RTN1: variants seen among roughly 807,000 people sequenced by gnomAD.
RTN1 encodes reticulon 1.
RTN1 carries 25 observed loss-of-function variants against 65.5 expected under a neutral mutation model. The observed-to-expected ratio is 0.38, with a 90% CI of 0.28 to 0.53. The LOEUF is 0.53. Ranked by LOEUF, RTN1 falls within the 20% of genes least tolerant of loss-of-function variation. RTN1 has a pLI of 0.79. For missense variants in RTN1, 983 were observed against 1,025.4 expected, an observed-to-expected ratio of 0.96 and a Z score of 0.57; for synonymous variants, 471 against 447.6, an observed-to-expected ratio of 1.05 and a Z score of -0.66.
In RTN1 at chr14:59,834,660, C is replaced by T. The variant is rs1957303; in HGVS notation, c.241+35730G>A. On this transcript the variant is annotated intron_variant, in intron 1 of 8. Coordinates refer to ENST00000267484, the MANE Select transcript of RTN1 (RefSeq NM_021136.3). ...AAAAATCTAATAGTGAAATGGGCAA[C>T]AGTTTTGCACAGATATCTCATGAAA... Among the ~76,000 whole-genome samples the T allele has an allele frequency of 3.1e-3, 475 of 152,130 alleles. 6 individuals are homozygous for T. Among genetic ancestry groups the T allele is most frequent in the African/African-American group, 0.011 (447 of 41,510 alleles).
At chr14:59,850,697 A>G (rs899484095) in intron 1 of RTN1, among the ~76,000 whole-genome samples, 3 of 152,234 alleles carry the variant, frequency 2.0e-5, no homozygotes, top group Non-Finnish European at 4.4e-5. Context: ...GAAGGAGGTT[A>G]GTGGTTATTA....
At chr14:59,640,776 G>C (rs1882760066) in intron 3 of RTN1, among the ~76,000 whole-genome samples, 1 of 151,692 alleles carries the variant, frequency 6.6e-6, no homozygotes, top group Admixed American at 6.6e-5. Flanking sequence ...TCATCTTGAA[G>C]ATTTTTCAAT....
At chr14:59,729,406 C>A (rs1403386886) in intron 2 of RTN1, among the ~76,000 whole-genome samples, 2 of 152,130 alleles carry the variant, frequency 1.3e-5, no homozygotes, top group Non-Finnish European at 2.9e-5. Flanking sequence ...TAACTTAAAA[C>A]AACAACTACT....
chr14:59,835,323 G>A (rs1008765999), intron 1 of RTN1, among the ~76,000 whole-genome samples: 2 of 152,134 alleles, frequency 1.3e-5, no homozygotes, highest in Admixed American at 6.6e-5. Flanking sequence ...GACAGAAAAG[G>A]GGCGGGGAGA....
intron 1 of RTN1, among the ~76,000 whole-genome samples, chr14:59,749,612 TTTATATA>T: frequency 1.4e-5 from 1 of 73,134 alleles, no homozygotes; most frequent in Non-Finnish European, 2.1e-5. Context: ...TCTATATATA[TTTATATA>T]GATATCTATA....
chr14:59,630,748 C>T (rs1413003224), intron 3 of RTN1: 3 of 1,088,084 alleles, frequency 2.8e-6, no homozygotes, highest in Non-Finnish European at 3.3e-6. Context: ...ATGCGGGCGC[C>T]GCTCCACGCG....
chr14:59,775,136 G>A lies in RTN1; in HGVS notation c.242-28655C>T, dbSNP rs530819364. 1.1e-4 allele frequency among the ~76,000 whole-genome samples: 16 copies of A among 152,238 alleles called. No individual in the cohort carries two copies. The East Asian group carries it at 2.7e-3, about 26-fold the overall frequency. On this transcript the variant is annotated intron_variant, in intron 1 of 8. Transcript: ENST00000267484. The stretch of plus-strand genomic sequence containing the variant: ...GTAAAGGCGATAAGTTCCATCTCTA[G>A]ACTGAGTTAAGAGGGGAGTATCTCA...
intron 1 of RTN1, among the ~76,000 whole-genome samples, chr14:59,828,281 A>G (rs1887067802): frequency 6.6e-6 from 1 of 152,218 alleles, no homozygotes; most frequent in Non-Finnish European, 1.5e-5. Flanking sequence ...CATTCTCTCA[A>G]TATTGAAGTA....
At chr14:59,690,310 G>C (rs1240258163) in intron 3 of RTN1, among the ~76,000 whole-genome samples, 1 of 151,492 alleles carries the variant, frequency 6.6e-6, no homozygotes, top group Non-Finnish European at 1.5e-5. Context: ...GAGGTGGGGG[G>C]GGGTCATTAT....
chr14:59,780,157 G>A (rs1252787180), intron 1 of RTN1, among the ~76,000 whole-genome samples: 1 of 152,164 alleles, frequency 6.6e-6, no homozygotes, highest in African/African-American at 2.4e-5. Context: ...AGGCTAGTGG[G>A]AAGCTGAACT....
At chr14:59,648,039 C>A (rs1882938220) in intron 3 of RTN1, among the ~76,000 whole-genome samples, 1 of 151,950 alleles carries the variant, frequency 6.6e-6, no homozygotes, top group Admixed American at 6.6e-5. Flanking sequence ...TAGTCCACTA[C>A]CTAGACTAAT....
intron 2 of RTN1, among the ~76,000 whole-genome samples, chr14:59,741,282 A>G (rs2139501217): frequency 6.6e-6 from 1 of 152,272 alleles, no homozygotes; most frequent in Non-Finnish European, 1.5e-5. Flanking sequence ...AGATAGCTAC[A>G]TGACTTGCTC....
intron 1 of RTN1, among the ~76,000 whole-genome samples, chr14:59,758,434 C>A (rs1479599635): frequency 3.3e-5 from 5 of 152,176 alleles, no homozygotes; most frequent in Admixed American, 3.3e-4. Flanking sequence ...ATTTCTGAGA[C>A]TGCACAAAAA....
At chr14:59,693,231 T>A (rs190262916) in intron 3 of RTN1, among the ~76,000 whole-genome samples, 3 of 152,296 alleles carry the variant, frequency 2.0e-5, no homozygotes, top group Admixed American at 6.5e-5. Flanking sequence ...GAGAAGACAG[T>A]ATTGGTTAAA....
chr14:59,691,119 A>C (rs971246603), intron 3 of RTN1, among the ~76,000 whole-genome samples: 2 of 152,128 alleles, frequency 1.3e-5, no homozygotes, highest in African/African-American at 4.8e-5. Flanking sequence ...AGACCCAAAA[A>C]TCCATGCAAA....
At chr14:59,832,415 A>C (rs1309018263) in intron 1 of RTN1, among the ~76,000 whole-genome samples, 2 of 152,188 alleles carry the variant, frequency 1.3e-5, no homozygotes. Context: ...ACCCATTCAC[A>C]GGGTGCAGGG....
Position 59,745,872 on chromosome 14 carries a change from G to A in RTN1, c.851C>T (p.Thr284Ile). Residue 284 changes from threonine (T) to isoleucine (I), a missense_variant, in exon 2 of 9, where the codon ACA (threonine) becomes ATA (isoleucine). By Grantham distance (89) the Thr-to-Ile change is moderately conservative. Around this residue, in one of 2 missense-constraint regions of RTN1, gnomAD observed 818 missense variants for 801.8 expected, o/e 1.02. Transcript: ENST00000267484. The stretch of plus-strand genomic sequence containing the variant: ...AACAGAAGGTTCTATTTCCGTCAGT[G>A]TGATTTTGACAGGGGTGGTGATCTG... The part of the protein sequence containing the change: ...APQITTPVKI[T>I]LTEIEPSVET... 1 of 1,614,098 alleles carries A rather than the reference G, an allele frequency of 6.2e-7. No individual in the cohort carries two copies. The highest frequency in any genetic ancestry group is 8.5e-7 in the Non-Finnish European group (1 of 1,180,014).
At position 59,610,372 on chromosome 14, in the gene RTN1, G is replaced by T. The variant is rs914779364; in HGVS notation, c.1766-2880C>A. On this transcript the variant is annotated intron_variant, in intron 3 of 8. Coordinates refer to ENST00000267484, the MANE Select transcript of RTN1 (RefSeq NM_021136.3). Reference sequence around the variant, plus strand: ...AAGGACTGTTATCTTAAAACAACAGGCTGTTGGTTCTGGACACTTTGCAAC... The same window carrying T: ...AAGGACTGTTATCTTAAAACAACAGTCTGTTGGTTCTGGACACTTTGCAAC... The T allele has an allele frequency of 5.5e-6, 3 of 546,644 alleles. No homozygotes were observed. In the East Asian group the frequency reaches 9.0e-5, roughly 16 times the overall value. 33.9% of individuals were successfully genotyped at this position (546,644 alleles called of 1,614,324 possible). A position where few individuals can be genotyped will look rare whatever the true frequency, so the allele number is the denominator to read the frequency against.
chr14:59,658,447 C>A (rs1356671144), intron 3 of RTN1, among the ~76,000 whole-genome samples: 3 of 152,190 alleles, frequency 2.0e-5, no homozygotes, highest in Admixed American at 6.5e-5. Flanking sequence ...ATGGGAGACA[C>A]CTCCAGCAGG....
Sources: allele counts gnomAD v4.1 joint callset (sites outside exome capture counted in the v4.1 genomes callset), GRCh38; gene constraint gnomAD v4.1.1; regional missense constraint gnomAD v4.1.1; transcripts MANE v1.5; gene names NCBI Gene and HGNC (gene_info 2026-07-23, HGNC 2026-07-21).